Variants in OTUD7B observed in about 807,000 individuals in gnomAD.
The protein encoded by OTUD7B is OTU domain-containing protein 7B.
OTUD7B carries 34 observed loss-of-function variants against 82.2 expected under a neutral mutation model. The ratio of observed to expected loss-of-function variants is 0.41; its 90% CI spans 0.31 to 0.55. The LOEUF is 0.55. Among genes scored for constraint, OTUD7B ranks in the 20% least tolerant of loss-of-function variants. The pLI is 0.20. For synonymous variants in OTUD7B, 398 were observed against 402.7 expected, an observed-to-expected ratio of 0.99 and a Z score of 0.14; for missense variants, 944 against 1,062.1, an observed-to-expected ratio of 0.89 and a Z score of 1.55.
At chr1:150,025,373 C>A in the OTUD7B span, among the ~76,000 whole-genome samples, 4 of 151,804 alleles carry the variant, frequency 2.6e-5, no homozygotes, top group Non-Finnish European at 5.9e-5. Flanking sequence ...CGAGATCGTG[C>A]CATTGCACTC....
intron 1 of OTUD7B, among the ~76,000 whole-genome samples, chr1:149,991,957 C>T (rs1273308966): frequency 3.9e-5 from 6 of 152,144 alleles, no homozygotes; most frequent in Non-Finnish European, 8.8e-5. Flanking sequence ...GGGCAGGGCA[C>T]GGTGGCTCAT....
intron 2 of OTUD7B, among the ~76,000 whole-genome samples, chr1:149,972,070 C>A (rs187428476): frequency 6.6e-6 from 1 of 152,238 alleles, no homozygotes; most frequent in African/African-American, 2.4e-5. Context: ...CCACTGCCTA[C>A]AGAATAAAAC....
chr1:150,015,694 T>C (rs1432770611), upstream of OTUD7B, among the ~76,000 whole-genome samples: 2 of 152,162 alleles, frequency 1.3e-5, no homozygotes, highest in Non-Finnish European at 2.9e-5. Flanking sequence ...TCCATCCTCC[T>C]TCTTCCTCCA....
chr1:149,972,423 T>C (rs1376894216), intron 2 of OTUD7B, among the ~76,000 whole-genome samples: 5 of 152,140 alleles, frequency 3.3e-5, no homozygotes, highest in Non-Finnish European at 7.4e-5. Context: ...CCACTGACTA[T>C]TCCCTCTACC....
the OTUD7B span, among the ~76,000 whole-genome samples, chr1:150,018,774 C>G: frequency 6.6e-6 from 1 of 152,146 alleles, no homozygotes; most frequent in Non-Finnish European, 1.5e-5. Flanking sequence ...AAACATTCAT[C>G]CCTGAAAGGA....
intron 1 of OTUD7B, among the ~76,000 whole-genome samples, chr1:149,991,136 C>T (rs1651543051): frequency 6.6e-6 from 1 of 152,112 alleles, no homozygotes; most frequent in Non-Finnish European, 1.5e-5. Flanking sequence ...GCAAACCCCA[C>T]AGGCTAAATA....
At chr1:150,060,544 G>C in the OTUD7B span, among the ~76,000 whole-genome samples, 1 of 152,222 alleles carries the variant, frequency 6.6e-6, no homozygotes, top group Admixed American at 6.5e-5. Context: ...ACTGAGTCTG[G>C]GGGTACTTCG....
intron 7 of OTUD7B, among the ~76,000 whole-genome samples, chr1:149,952,892 G>A (rs1222410418): frequency 6.6e-6 from 1 of 152,088 alleles, no homozygotes; most frequent in Admixed American, 6.5e-5. Flanking sequence ...ACTTTTTGAT[G>A]GGGTTGATTT....
At chr1:150,029,337 C>T in the OTUD7B span, among the ~76,000 whole-genome samples, 2 of 152,152 alleles carry the variant, frequency 1.3e-5, no homozygotes, top group African/African-American at 4.8e-5. Flanking sequence ...TGATTAAACC[C>T]ATTGTCCAGG....
intron 2 of OTUD7B, among the ~76,000 whole-genome samples, chr1:149,976,822 CT>C (rs782390127): frequency 6.6e-6 from 1 of 151,626 alleles, no homozygotes; most frequent in Non-Finnish European, 1.5e-5. Context: ...TCTTACAGAT[CT>C]AAAATTATGC....
chr1:149,952,374 T>G (rs1224639148), intron 7 of OTUD7B, among the ~76,000 whole-genome samples: 1 of 152,164 alleles, frequency 6.6e-6, no homozygotes, highest in African/African-American at 2.4e-5. Flanking sequence ...ATAAAGGACA[T>G]GAACTCATGC....
chr1:150,015,386 C>A (rs1000965149), upstream of OTUD7B, among the ~76,000 whole-genome samples: 3 of 150,876 alleles, frequency 2.0e-5, no homozygotes, highest in South Asian at 6.3e-4. Context: ...CTCCACCTCC[C>A]GGGTTCAAGC....
At chr1:150,051,312 A>G in the OTUD7B span, among the ~76,000 whole-genome samples, 1 of 151,216 alleles carries the variant, frequency 6.6e-6, no homozygotes, top group Non-Finnish European at 1.5e-5. Context: ...ACATCTCTGT[A>G]ATTTACCTGG....
the OTUD7B span, among the ~76,000 whole-genome samples, chr1:150,041,358 A>C: frequency 3.9e-5 from 6 of 152,146 alleles, no homozygotes; most frequent in Admixed American, 2.6e-4. Flanking sequence ...TTCGAGACAG[A>C]GTCTCACTCT....
chr1:150,063,196 A>T, the OTUD7B span, among the ~76,000 whole-genome samples: 1 of 152,108 alleles, frequency 6.6e-6, no homozygotes, highest in Admixed American at 6.5e-5. Flanking sequence ...TCATGCCTAT[A>T]ATCCCAGCAC....
chr1:149,952,193 TC>T (rs1263414161), intron 7 of OTUD7B, among the ~76,000 whole-genome samples: 2 of 109,226 alleles, frequency 1.8e-5, no homozygotes, highest in Non-Finnish European at 3.7e-5. Flanking sequence ...ATGCTATCCC[TC>T]CCCCCTCCCC....
At chr1:150,014,028 A>ATATATATGTGTATATATGTG (rs1315629732), upstream of OTUD7B, among the ~76,000 whole-genome samples, 3 of 129,512 alleles carry the variant, frequency 2.3e-5, no homozygotes, top group Admixed American at 2.3e-4. Flanking sequence ...ATATATACGT[A>ATATATATGTGTATATATGTG]TATATACGTA....
At chr1:149,963,158 C>G (rs1229104384) in intron 6 of OTUD7B, 1 of 151,440 alleles carries the variant, frequency 6.6e-6, no homozygotes, top group Non-Finnish European at 1.5e-5. Context: ...TCTATATTGT[C>G]AAGTTATGAC....
chr1:150,019,572 G>T, the OTUD7B span, among the ~76,000 whole-genome samples: 2 of 152,068 alleles, frequency 1.3e-5, no homozygotes, highest in Admixed American at 1.3e-4. Context: ...TCACCATTTT[G>T]GCCAGGTTGG....
Sources: gnomAD v4.1 joint callset for allele counts (sites outside exome capture counted in the v4.1 genomes callset) on GRCh38, gnomAD v4.1.1 for gene constraint, MANE v1.5 for transcripts, NCBI Gene and HGNC (gene_info 2026-07-23, HGNC 2026-07-21) for gene names.